Variants in PSG4 observed in about 807,000 individuals in gnomAD.
PSG4 encodes the protein pregnancy specific beta-1-glycoprotein 4.
PSG4 carries 61 observed loss-of-function variants against 44.3 expected under a neutral mutation model. The observed-to-expected ratio is 1.38, with a 90% CI of 1.12 to 1.70. The LOEUF (loss-of-function observed/expected upper bound fraction) is 1.70. Among genes scored for constraint, PSG4 ranks in the 40% most tolerant of loss-of-function variants. The pLI, the probability that PSG4 is intolerant of heterozygous loss-of-function variation, is 0.00. For synonymous variants in PSG4, 248 were observed against 191.3 expected, an observed-to-expected ratio of 1.30 and a Z score of -2.45; for missense variants, 677 against 511.7, an observed-to-expected ratio of 1.32 and a Z score of -3.12.
chr19:43,201,975 C>G (rs1218169959), intron 2 of PSG4, among the ~76,000 whole-genome samples: 1 of 144,420 alleles, frequency 6.9e-6, no homozygotes, highest in Non-Finnish European at 1.5e-5. Context: ...GAAGCTCATT[C>G]TCTTAGTGAC....
At chr19:43,201,829 G>C (rs1200823292) in intron 2 of PSG4, among the ~76,000 whole-genome samples, 1 of 144,562 alleles carries the variant, frequency 6.9e-6, no homozygotes, top group Non-Finnish European at 1.5e-5. Context: ...TTGTGTGTGT[G>C]TGTGTGTGTG....
intron 2 of PSG4, 83 bp from the exon 3 acceptor site, chr19:43,198,358 C>G (rs1599772973): frequency 1.3e-6 from 2 of 1,517,040 alleles, no homozygotes; most frequent in South Asian, 2.5e-5. Flanking sequence ...GTTGGCATTT[C>G]CCACCTCTCA....
At chr19:43,202,806 G>A (rs1378117882) in intron 2 of PSG4, among the ~76,000 whole-genome samples, 1 of 144,492 alleles carries the variant, frequency 6.9e-6, no homozygotes, top group African/African-American at 2.7e-5. Context: ...CTCCTCTGAG[G>A]TTTGGATGCC....
At chr19:43,201,088 C>T (rs1967489424) in intron 2 of PSG4, among the ~76,000 whole-genome samples, 1 of 145,336 alleles carries the variant, frequency 6.9e-6, no homozygotes, top group South Asian at 2.2e-4. Flanking sequence ...CCTCTGACAC[C>T]CTGGTGAGTC....
chr19:43,203,788 GAGGGACAC>G (rs1967626049), intron 2 of PSG4, 90 bp downstream of exon 2: 5 of 1,527,404 alleles, frequency 3.3e-6, no homozygotes, highest in Middle Eastern at 3.5e-4. Context: ...TTAATGCAGA[GAGGGACAC>G]AGGCAGAGTC....
At chr19:43,196,757 C>G (rs972449794) in intron 3 of PSG4, 11 of 151,362 alleles carry the variant, frequency 7.3e-5, no homozygotes, top group African/African-American at 2.4e-4. Flanking sequence ...TTTCTGTCGT[C>G]AGAACTTTCC....
Position 43,194,632 on chromosome 19 carries a change from C to A in PSG4, c.989-38G>T. On this transcript the variant is annotated intron_variant, in intron 4 of 5. Transcript: ENST00000405312. ...GAATAAAGCCATAGGTGATGTCATC[C>A]GAGGGAAGGGGATGTTCCTGGTCTC... 2.5e-6 allele frequency: 4 copies of A among 1,584,062 alleles called. No individual in the cohort carries two copies. In the South Asian group the frequency reaches 4.7e-5, roughly 18 times the overall value.
chr19:43,199,645 A>G (rs1317986047), intron 2 of PSG4, among the ~76,000 whole-genome samples: 4 of 144,838 alleles, frequency 2.8e-5, no homozygotes, highest in Non-Finnish European at 6.0e-5. Flanking sequence ...GGGATGCTCA[A>G]TTTGTAATAC....
In PSG4 at chr19:43,194,450, T is replaced by C. The variant is rs1967141991; in HGVS notation, c.1133A>G (p.Lys378Arg). The C allele has an allele frequency of 2.4e-5, 39 of 1,612,322 alleles. 1 individual carries two copies. The highest frequency in any genetic ancestry group is 3.3e-5 in the Non-Finnish European group (39 of 1,179,118). The change falls in exon 5 of 6, where the codon AAG becomes AGG. Residue 378 changes from lysine to arginine, a missense_variant. By Grantham distance (26) the Lys-to-Arg change is conservative (BLOSUM62 2). Transcript: ENST00000405312. ...TGTAGTTATTTGGGGGATAGAGAGCTTTTGTCCTGATAGCTGAAACTTCCC... is the reference window on the plus strand; with the variant it reads ...TGTAGTTATTTGGGGGATAGAGAGCCTTTGTCCTGATAGCTGAAACTTCCC... ...INGKFQLSGQ[K>R]LSIPQITTKH...
Position 43,205,598 on chromosome 19 carries a change from A to G in PSG4, c.-62T>C. 7 of 1,461,690 alleles carry G rather than the reference A, an allele frequency of 4.8e-6. No individual in the cohort carries two copies. The highest frequency in any genetic ancestry group is 6.4e-6 in the Non-Finnish European group (7 of 1,089,794). 90.5% of individuals were successfully genotyped at this position (1,461,690 alleles called of 1,614,324 possible). On this transcript the variant is annotated 5_prime_UTR_variant, in exon 1 of 6. Coordinates refer to ENST00000405312, the MANE Select transcript of PSG4 (RefSeq NM_002780.5). Reference sequence around the variant, plus strand: ...AAGCCTAGGATCCAGAAGCTTCCTGAGTACGGCTGTCAGCTGTGCTGTCCT... The same window carrying G: ...AAGCCTAGGATCCAGAAGCTTCCTGGGTACGGCTGTCAGCTGTGCTGTCCT...
At position 43,203,609 on chromosome 19, in the gene PSG4, A is replaced by G. The variant is rs772769687; in HGVS notation, c.430+277T>C. ...TCAGCGTCAAATTTATGAAGAGGGCATGAGGTGCTTGTCTGAGACTGATCT... is the reference window on the plus strand; with the variant it reads ...TCAGCGTCAAATTTATGAAGAGGGCGTGAGGTGCTTGTCTGAGACTGATCT... On this transcript the variant is annotated intron_variant, in intron 2 of 5. Transcript: ENST00000405312. 3 of 486,780 alleles carry G rather than the reference A, an allele frequency of 6.2e-6. 1 individual carries two copies. The highest frequency in any genetic ancestry group is 1.0e-5 in the Non-Finnish European group (3 of 298,864). 30.2% of individuals were successfully genotyped at this position (486,780 alleles called of 1,614,324 possible). A position where few individuals can be genotyped will look rare whatever the true frequency, so the allele number is the denominator to read the frequency against.
At position 43,202,138 on chromosome 19, in the gene PSG4, G is replaced by A. The variant is rs1219315899; in HGVS notation, c.430+1748C>T. ...TAGTCAGAGGGAGTGTCTGGGGAAG[G>A]CCTAGGGGTGGGGGAAGAAGCTGTG... On this transcript the variant is annotated intron_variant, in intron 2 of 5. Coordinates refer to ENST00000405312, the MANE Select transcript of PSG4 (RefSeq NM_002780.5). Among the ~76,000 whole-genome samples the A allele has an allele frequency of 4.1e-5, 6 of 146,114 alleles. 1 individual carries two copies. Among genetic ancestry groups the A allele is most frequent in the Non-Finnish European group, 6.0e-5 (4 of 67,124 alleles).
In PSG4 at chr19:43,193,140, G is replaced by A. The variant is rs549353981; in HGVS notation, c.*232C>T. On this transcript the variant is annotated 3_prime_UTR_variant, in exon 6 of 6. Transcript: ENST00000405312. ...TTGTTCTGACATCTTTGGAAAAACT[G>A]TCCACAGTGTGAAGTCATCAACTTG... The A allele has an allele frequency of 3.3e-4, 226 of 678,198 alleles. 4 individuals carry two copies. The highest frequency in any genetic ancestry group is 5.6e-4 in the Non-Finnish European group (208 of 371,728). The allele number at this position is 678,198 out of a possible 1,614,324, so 42.0% of individuals were successfully genotyped here.
intron 2 of PSG4, among the ~76,000 whole-genome samples, chr19:43,200,612 G>A (rs1204080115): frequency 6.9e-6 from 1 of 144,336 alleles, no homozygotes; most frequent in Non-Finnish European, 1.5e-5. Flanking sequence ...GTCTCGCTCT[G>A]TTGCCCAGGC....
chr19:43,205,111 C>CTTTTTTTTTTCTTTTTTTTTTTTTTTT (rs1555724415), intron 1 of PSG4, among the ~76,000 whole-genome samples: 1 of 90,852 alleles, frequency 1.1e-5, no homozygotes, highest in Non-Finnish European at 1.9e-5. Flanking sequence ...TTCCTTTTTT[C>CTTTTTTTTTTCTTTTTTTTTTTTTTTT]TTTTTTTTTT....
chr19:43,193,240 T>A lies in PSG4; in HGVS notation c.*132A>T. On this transcript the variant is annotated 3_prime_UTR_variant, in exon 6 of 6. Coordinates refer to ENST00000405312, the MANE Select transcript of PSG4 (RefSeq NM_002780.5). ...TGGTGAGTTCTGAGTGGCTCACATG[T>A]CAGGTACAAGGGTTTTCCCATGAAA... 1 of 765,294 alleles carries A rather than the reference T, an allele frequency of 1.3e-6. No individual in the cohort carries two copies. Among genetic ancestry groups the A allele is most frequent in the Non-Finnish European group, 2.4e-6 (1 of 417,372 alleles). The allele number at this position is 765,294 out of a possible 1,614,324, so 47.4% of individuals were successfully genotyped here.
Position 43,198,196 on chromosome 19 carries a change from A to G in PSG4, c.510T>C (p.Asp170=), listed in dbSNP as rs373053254. The G allele has an allele frequency of 1.6e-4, 260 of 1,587,566 alleles. 61 individuals are homozygous for G. The highest frequency in any genetic ancestry group is 9.6e-4 in the East Asian group (36 of 37,568). ...GGTAGCTTGCGGCTGGAGTCGCAGGATCACAGGTTAAGATCACAGCCTCCA... is the reference window on the plus strand; with the variant it reads ...GGTAGCTTGCGGCTGGAGTCGCAGGGTCACAGGTTAAGATCACAGCCTCCA... The part of the protein sequence containing the change: ...EAMEAVILTC[D]PATPAASYQW... The change falls in exon 3 of 6, where the codon GAT becomes GAC. Residue 170 remains aspartate, a synonymous_variant. Transcript: ENST00000405312.
In PSG4 at chr19:43,198,176, C is replaced by T. The variant is rs748081092; in HGVS notation, c.530G>A (p.Ser177Asn). The T allele has an allele frequency of 6.3e-6, 10 of 1,587,976 alleles. 2 individuals carry two copies. In the East Asian group the frequency reaches 2.7e-4, roughly 42 times the overall value. ...CTGACCATTCATCCACCACTGGTAG[C>T]TTGCGGCTGGAGTCGCAGGATCACA... ...LTCDPATPAA[S>N]YQWWMNGQSL... Residue 177 changes from serine to asparagine, a missense_variant, in exon 3 of 6, where the codon AGC becomes AAC. By Grantham distance (46) the Ser-to-Asn change is conservative. Transcript: ENST00000405312.
Position 43,204,206 on chromosome 19 carries a change from G to A in PSG4, c.110C>T (p.Thr37Met), listed in dbSNP as rs144715552. ...AACTTTGGGTGGCTGGGCTTCAATC[G>A]TGACTTGGGCAGTTGTGGGCGGATT... ...FWNPPTTAQVTIEAQPPKVSE... is the reference protein window; with the variant it reads ...FWNPPTTAQVMIEAQPPKVSE... Residue 37 changes from threonine to methionine, a missense_variant, in exon 2 of 6, where the codon ACG (threonine) becomes ATG (methionine). Physicochemically the swap from Thr to Met is moderately conservative, Grantham distance 81. Coordinates refer to ENST00000405312, the MANE Select transcript of PSG4 (RefSeq NM_002780.5). 795 of 1,583,254 alleles carry A rather than the reference G, an allele frequency of 5.0e-4. 129 individuals carry two copies. The African/African-American group carries it at 9.8e-3, about 20-fold the overall frequency.
Sources: gnomAD v4.1 joint callset for allele counts (sites outside exome capture counted in the v4.1 genomes callset) on GRCh38, gnomAD v4.1.1 for gene constraint, MANE v1.5 for transcripts, NCBI Gene and HGNC (gene_info 2026-07-23, HGNC 2026-07-21) for gene names.